Variants in MEGF10 observed in about 807,000 individuals in gnomAD.
MEGF10 encodes the protein multiple EGF like domains 10.
In MEGF10, 86 loss-of-function variants were observed where a neutral mutation model predicts 147.5. The observed-to-expected ratio is 0.58, with a 90% confidence interval of 0.49 to 0.70. The LOEUF is 0.70. Ranked by LOEUF, MEGF10 falls within the 30% of genes least tolerant of loss-of-function variation. The pLI is 0.00. For synonymous variants in MEGF10, 478 were observed against 525.5 expected (o/e 0.91, Z 1.24); for missense variants, 1,329 against 1,487.3 (o/e 0.89, Z 1.75).
chr5:127,442,862 C>G (rs1765804933), intron 18 of MEGF10, 136 bp from the exon 19 acceptor site: 3 of 853,390 alleles, frequency 3.5e-6, no homozygotes, highest in Non-Finnish European at 5.3e-6. Flanking sequence ...TTCTGGGACA[C>G]TCTTGGGGGT....
the MEGF10 span, among the ~76,000 whole-genome samples, chr5:127,239,376 G>GAC: frequency 0.073 from 9,050 of 123,348 alleles, 323 homozygotes; most frequent in South Asian, 0.13. Flanking sequence ...GATGATGGAA[G>GAC]ACACACACAC....
intron 5 of MEGF10, among the ~76,000 whole-genome samples, chr5:127,392,137 C>T (rs942094384): frequency 2.6e-5 from 4 of 152,202 alleles, no homozygotes; most frequent in Non-Finnish European, 5.9e-5. Context: ...AGCTGCATTT[C>T]GAAGGCTGGG....
chr5:127,446,461 A>C (rs144885062), intron 20 of MEGF10, among the ~76,000 whole-genome samples: 1 of 152,244 alleles, frequency 6.6e-6, no homozygotes, highest in East Asian at 1.9e-4. Context: ...TCAAGTGTTT[A>C]AAAAAAGGAA....
the MEGF10 span, among the ~76,000 whole-genome samples, chr5:127,238,648 T>A: frequency 6.6e-6 from 1 of 152,122 alleles, no homozygotes; most frequent in Non-Finnish European, 1.5e-5. Flanking sequence ...GTGCTTCACC[T>A]CCACACTTCA....
At chr5:127,426,167 G>A (rs2126986380) in intron 13 of MEGF10, among the ~76,000 whole-genome samples, 1 of 152,326 alleles carries the variant, frequency 6.6e-6, no homozygotes, top group East Asian at 1.9e-4. Flanking sequence ...TGCCAAGGAA[G>A]ATGGCTTGCT....
chr5:127,261,657 A>T, the MEGF10 span, among the ~76,000 whole-genome samples: 2 of 152,090 alleles, frequency 1.3e-5, no homozygotes, highest in African/African-American at 4.8e-5. Context: ...GCTAACTCTA[A>T]CCTTTTGAAG....
chr5:127,368,885 A>AT (rs1174469164), intron 4 of MEGF10, among the ~76,000 whole-genome samples: 4 of 152,134 alleles, frequency 2.6e-5, no homozygotes, highest in Admixed American at 2.6e-4. Flanking sequence ...ATATGATTCT[A>AT]TTTTTTTGAG....
At chr5:127,249,631 A>G in the MEGF10 span, among the ~76,000 whole-genome samples, 15 of 152,144 alleles carry the variant, frequency 9.9e-5, no homozygotes, top group African/African-American at 3.6e-4. Flanking sequence ...AACAGGAGCC[A>G]ACTAAAAGCT....
At chr5:127,247,410 GAAGAAGA>G in the MEGF10 span, among the ~76,000 whole-genome samples, 3 of 68,164 alleles carry the variant, frequency 4.4e-5, no homozygotes, top group Non-Finnish European at 8.5e-5. Context: ...AGAAGAAGAA[GAAGAAGA>G]AGAAGAAGAA....
In MEGF10 at chr5:127,443,044, TTGTC is replaced by T; in HGVS notation, c.2412_2415del (p.Cys804Ter). The T allele has an allele frequency of 6.2e-7, 1 of 1,613,884 alleles. No individual in the cohort carries two copies. Among genetic ancestry groups the T allele is most frequent in the Non-Finnish European group, 8.5e-7 (1 of 1,179,778 alleles). ...GCTATGGCTGTCGCCAGATATGTGA[TTGTC>T]TGAACAACTCCACCTGCGACCACAT... On this transcript the variant is annotated frameshift_variant, in exon 19 of 25. Coordinates refer to ENST00000503335, the MANE Select transcript of MEGF10 (RefSeq NM_001256545.2). LOFTEE classifies it high-confidence loss of function.
chr5:127,394,422 A>G (rs1763823978), intron 5 of MEGF10, among the ~76,000 whole-genome samples: 1 of 152,074 alleles, frequency 6.6e-6, no homozygotes, highest in South Asian at 2.1e-4. Flanking sequence ...AAGTCAGGAG[A>G]AAAAAAGGAT....
the MEGF10 span, among the ~76,000 whole-genome samples, chr5:127,274,971 T>C: frequency 6.6e-6 from 1 of 152,214 alleles, no homozygotes; most frequent in Non-Finnish European, 1.5e-5. Flanking sequence ...ATAAGCCTCA[T>C]ATTCTTTAAT....
chr5:127,267,091 A>G, the MEGF10 span, among the ~76,000 whole-genome samples: 1 of 152,176 alleles, frequency 6.6e-6, no homozygotes. Flanking sequence ...TTTGAGATAC[A>G]GCCCATCAAT....
At chr5:127,264,349 T>C in the MEGF10 span, among the ~76,000 whole-genome samples, 1 of 152,176 alleles carries the variant, frequency 6.6e-6, no homozygotes, top group Non-Finnish European at 1.5e-5. Flanking sequence ...TATTAGAATC[T>C]AGTTTGTCTG....
the MEGF10 span, among the ~76,000 whole-genome samples, chr5:127,239,473 TATA>T: frequency 7.0e-6 from 1 of 142,736 alleles, no homozygotes; most frequent in Non-Finnish European, 1.5e-5. Flanking sequence ...TATATATATA[TATA>T]ATATATATAC....
intron 7 of MEGF10, among the ~76,000 whole-genome samples, chr5:127,399,931 G>A (rs549182392): frequency 1.2e-4 from 18 of 152,224 alleles, no homozygotes; most frequent in Non-Finnish European, 1.2e-4. Flanking sequence ...TACCTGCCTT[G>A]AGCTTAGATT....
At chr5:127,348,266 T>C (rs911998194) in intron 4 of MEGF10, among the ~76,000 whole-genome samples, 10 of 152,128 alleles carry the variant, frequency 6.6e-5, no homozygotes, top group Middle Eastern at 3.2e-3. Context: ...TTTCTAGTCA[T>C]ATAAAATGTA....
chr5:127,402,416 CTCTAA>C, intron 7 of MEGF10, 125 bp from the exon 8 acceptor site: 2 of 967,558 alleles, frequency 2.1e-6, no homozygotes, highest in Non-Finnish European at 3.0e-6. Context: ...CTCTAAAATT[CTCTAA>C]TCTAATTTTC....
intron 4 of MEGF10, among the ~76,000 whole-genome samples, chr5:127,363,189 A>G (rs1279958104): frequency 6.6e-6 from 1 of 152,174 alleles, no homozygotes; most frequent in Non-Finnish European, 1.5e-5. Context: ...TTCTGCTAGT[A>G]TAGATTTTTA....
Sources: allele counts gnomAD v4.1 joint callset (sites outside exome capture counted in the v4.1 genomes callset), GRCh38; gene constraint gnomAD v4.1.1; transcripts MANE v1.5; gene names NCBI Gene and HGNC (gene_info 2026-07-23, HGNC 2026-07-21).